CMTM8: variants seen among roughly 807,000 people sequenced by gnomAD.
CMTM8 encodes CKLF-like MARVEL transmembrane domain-containing protein 8.
Under a neutral mutation model 18.6 loss-of-function variants are expected in CMTM8, and 12 were observed. The observed-to-expected ratio is 0.65, with a 90% CI of 0.41 to 1.05. CMTM8 has a LOEUF of 1.05. Among genes scored for constraint, CMTM8 ranks in the 50% least tolerant of loss-of-function variants. The probability of loss-of-function intolerance (pLI) is 0.00; values close to 1 mark genes in which losing one functional copy is unlikely to be tolerated. For synonymous variants in CMTM8, 87 were observed against 90.6 expected, an observed-to-expected ratio of 0.96 and a Z score of 0.23; for missense variants, 217 against 227.2, an observed-to-expected ratio of 0.95 and a Z score of 0.29.
intron 1 of CMTM8, among the ~76,000 whole-genome samples, chr3:32,265,552 G>T (rs940326452): frequency 8.5e-5 from 13 of 152,156 alleles, no homozygotes; most frequent in African/African-American, 2.7e-4. Context: ...AACTAGAGAA[G>T]CAAGAGCAAA....
chr3:32,322,317 G>A (rs1355946024), intron 1 of CMTM8, among the ~76,000 whole-genome samples: 4 of 152,058 alleles, frequency 2.6e-5, no homozygotes, highest in Non-Finnish European at 5.9e-5. Context: ...TAATTATTTG[G>A]TCATCTTTCA....
chr3:32,318,564 A>ATTTTTTT, intron 1 of CMTM8, among the ~76,000 whole-genome samples: 1 of 125,294 alleles, frequency 8.0e-6, no homozygotes, highest in Non-Finnish European at 1.7e-5. Flanking sequence ...GTCATTATTA[A>ATTTTTTT]TTTTTTTTTT....
At position 32,370,319 on chromosome 3, in the gene CMTM8, C is replaced by T. The variant is rs539895750; in HGVS notation, c.*352C>T. On this transcript the variant is annotated 3_prime_UTR_variant, in exon 4 of 4. Coordinates refer to ENST00000307526, the MANE Select transcript of CMTM8 (RefSeq NM_178868.5). ...TTTTTGATTAAATGTTGCAAAATCC[C>T]AAGTAATGTTGTGTTTGATTGGAGA... 24 of 162,114 alleles carry T rather than the reference C, an allele frequency of 1.5e-4. No homozygotes were observed. The highest frequency in any genetic ancestry group is 2.8e-4 in the Non-Finnish European group (21 of 74,106). The allele number at this position is 162,114 out of a possible 1,614,324, so 10.0% of individuals were successfully genotyped here.
At chr3:32,264,315 A>G (rs1702302015) in intron 1 of CMTM8, among the ~76,000 whole-genome samples, 1 of 152,194 alleles carries the variant, frequency 6.6e-6, no homozygotes, top group African/African-American at 2.4e-5. Context: ...TAAAGAAAAG[A>G]ATTTTTAACC....
chr3:32,309,045 T>A (rs1273988079), intron 1 of CMTM8, among the ~76,000 whole-genome samples: 1 of 152,150 alleles, frequency 6.6e-6, no homozygotes. Flanking sequence ...TGAAAGGTCA[T>A]TGGATGTTTC....
chr3:32,343,152 C>T (rs1392538826), intron 1 of CMTM8, among the ~76,000 whole-genome samples: 6 of 152,320 alleles, frequency 3.9e-5, no homozygotes, highest in East Asian at 1.9e-4. Context: ...TGCCGCTGAA[C>T]GCTAGTTCTG....
At chr3:32,347,295 A>AC (rs1454579380) in intron 1 of CMTM8, among the ~76,000 whole-genome samples, 2 of 59,368 alleles carry the variant, frequency 3.4e-5, no homozygotes, top group Admixed American at 2.6e-4. Flanking sequence ...TTTTTTGCTT[A>AC]GGTTTTTTTT....
intron 1 of CMTM8, among the ~76,000 whole-genome samples, chr3:32,309,183 G>T: frequency 6.6e-6 from 1 of 152,262 alleles, no homozygotes; most frequent in African/African-American, 2.4e-5. Flanking sequence ...TGGGTGGAGG[G>T]TGGTGGGGCA....
intron 2 of CMTM8, among the ~76,000 whole-genome samples, chr3:32,360,161 T>C (rs1354516041): frequency 6.6e-6 from 1 of 152,234 alleles, no homozygotes; most frequent in Admixed American, 6.5e-5. Flanking sequence ...CAGCATGGTA[T>C]TGAACCTTGC....
At chr3:32,250,571 T>G (rs1575145322) in intron 1 of CMTM8, among the ~76,000 whole-genome samples, 1 of 152,160 alleles carries the variant, frequency 6.6e-6, no homozygotes, top group Non-Finnish European at 1.5e-5. Flanking sequence ...CAACAATGTT[T>G]TGTAGTTTTC....
intron 1 of CMTM8, among the ~76,000 whole-genome samples, chr3:32,265,687 CA>C (rs1702329155): frequency 6.6e-6 from 1 of 151,870 alleles, no homozygotes; most frequent in South Asian, 2.1e-4. Flanking sequence ...AAAAGATCAA[CA>C]AAATTGATAG....
Position 32,348,529 on chromosome 3 carries a change from C to CTTTTTTTTTTTTT in CMTM8, c.148-8843_148-8831dup, listed in dbSNP as rs56252781. On this transcript the variant is annotated intron_variant, in intron 1 of 3. Coordinates refer to ENST00000307526, the MANE Select transcript of CMTM8 (RefSeq NM_178868.5). ...TTTTCTTCACTCTCTCTTCCTGGAA[C>CTTTTTTTTTTTTT]TTTTTTTTTTTTTGGAGACAAGATC... Among the ~76,000 whole-genome samples the CTTTTTTTTTTTTT allele has an allele frequency of 3.0e-3, 309 of 102,008 alleles. 18 individuals carry two copies. The highest frequency in any genetic ancestry group is 0.011 in the East Asian group (29 of 2,540). The allele number at this position is 102,008 out of a possible 152,430, so 66.9% of individuals were successfully genotyped here.
intron 1 of CMTM8, among the ~76,000 whole-genome samples, chr3:32,284,519 A>G (rs900828807): frequency 1.1e-4 from 16 of 152,104 alleles, no homozygotes; most frequent in African/African-American, 3.6e-4. Flanking sequence ...TAGTCATCAC[A>G]TTGGGTTATC....
intron 1 of CMTM8, among the ~76,000 whole-genome samples, chr3:32,295,532 A>G (rs1702864072): frequency 6.6e-6 from 1 of 150,896 alleles, no homozygotes; most frequent in Non-Finnish European, 1.5e-5. Context: ...CTTGCATTCA[A>G]TTAGGGTGAT....
intron 2 of CMTM8, among the ~76,000 whole-genome samples, chr3:32,361,239 C>G (rs1696918775): frequency 6.9e-6 from 1 of 145,402 alleles, no homozygotes; most frequent in Non-Finnish European, 1.5e-5. Context: ...CCTCGGTCTC[C>G]CAAAGTACTG....
At chr3:32,312,921 G>A (rs965563131) in intron 1 of CMTM8, among the ~76,000 whole-genome samples, 4 of 151,908 alleles carry the variant, frequency 2.6e-5, no homozygotes, top group Non-Finnish European at 5.9e-5. Context: ...AGGAACCAAG[G>A]ACAAAAGACC....
At chr3:32,325,094 G>A (rs1474893057) in intron 1 of CMTM8, among the ~76,000 whole-genome samples, 1 of 152,188 alleles carries the variant, frequency 6.6e-6, no homozygotes, top group African/African-American at 2.4e-5. Context: ...TTTTTGAAGT[G>A]TCTTTAGCTC....
intron 1 of CMTM8, among the ~76,000 whole-genome samples, chr3:32,336,447 C>G (rs1696388132): frequency 6.6e-6 from 1 of 152,380 alleles, no homozygotes. Context: ...ACCTGGCTTT[C>G]AGCCAGGGCT....
At chr3:32,283,946 C>CTTT (rs2125551564) in intron 1 of CMTM8, among the ~76,000 whole-genome samples, 1 of 152,322 alleles carries the variant, frequency 6.6e-6, no homozygotes, top group South Asian at 2.1e-4. Flanking sequence ...TATACATAAA[C>CTTT]CCACACACAA....
Sources: allele counts gnomAD v4.1 joint callset (sites outside exome capture counted in the v4.1 genomes callset), GRCh38; gene constraint gnomAD v4.1.1; transcripts MANE v1.5; gene names NCBI Gene and HGNC (gene_info 2026-07-23, HGNC 2026-07-21).